Variants in IRAK1BP1 observed in about 807,000 individuals in gnomAD.
IRAK1BP1 encodes interleukin-1 receptor-associated kinase 1-binding protein 1.
In IRAK1BP1, 24 loss-of-function variants were observed where a neutral mutation model predicts 28.0. The ratio of observed to expected loss-of-function variants is 0.86; its 90% CI spans 0.62 to 1.20. IRAK1BP1 has a LOEUF of 1.20. Among genes scored for constraint, IRAK1BP1 ranks in the 50% most tolerant of loss-of-function variants. The probability of loss-of-function intolerance (pLI) is 0.00; values close to 1 mark genes in which losing one functional copy is unlikely to be tolerated. For synonymous variants in IRAK1BP1, 131 were observed against 116.3 expected (o/e 1.13, Z -0.81); for missense variants, 336 against 316.7 (o/e 1.06, Z -0.46).
At chr6:78,903,831 A>G (rs1332312090), downstream of IRAK1BP1, among the ~76,000 whole-genome samples, 2 of 152,082 alleles carry the variant, frequency 1.3e-5, no homozygotes, top group Non-Finnish European at 2.9e-5. Context: ...TCAAAGAACA[A>G]TTTTGGGCAA....
downstream of IRAK1BP1, among the ~76,000 whole-genome samples, chr6:78,907,119 C>G (rs1772281773): frequency 6.6e-6 from 1 of 152,164 alleles, no homozygotes; most frequent in African/African-American, 2.4e-5. Flanking sequence ...CATGATGCAT[C>G]TCTAAGCAGT....
chr6:78,910,223 C>T (rs1165403090), intron 4 of IRAK1BP1, among the ~76,000 whole-genome samples: 1 of 151,990 alleles, frequency 6.6e-6, no homozygotes, highest in Non-Finnish European at 1.5e-5. Flanking sequence ...ACGGAGGGCA[C>T]GGCAGGATGG....
chr6:78,979,154 G>A, the IRAK1BP1 span, among the ~76,000 whole-genome samples: 5 of 152,168 alleles, frequency 3.3e-5, no homozygotes, highest in South Asian at 4.1e-4. Flanking sequence ...CCAATCCTCC[G>A]TGTCTACTGA....
chr6:78,938,915 A>G (rs1001596973), intron 4 of IRAK1BP1: 5 of 151,802 alleles, frequency 3.3e-5, no homozygotes, highest in Non-Finnish European at 1.5e-5. Flanking sequence ...AGAAATAATT[A>G]TGTAATGTAT....
intron 2 of IRAK1BP1, among the ~76,000 whole-genome samples, chr6:78,885,901 G>A (rs1175448496): frequency 6.6e-6 from 1 of 152,056 alleles, no homozygotes; most frequent in Non-Finnish European, 1.5e-5. Context: ...ACTATTTTCA[G>A]TACACTCAGT....
chr6:78,953,881 C>T, the IRAK1BP1 span, among the ~76,000 whole-genome samples: 2 of 151,982 alleles, frequency 1.3e-5, no homozygotes, highest in African/African-American at 2.4e-5. Flanking sequence ...ACACCACGCC[C>T]GACCCCTGAA....
intron 1 of IRAK1BP1, among the ~76,000 whole-genome samples, chr6:78,870,974 G>A (rs1770774826): frequency 1.3e-5 from 2 of 152,072 alleles, no homozygotes; most frequent in Non-Finnish European, 2.9e-5. Flanking sequence ...AAAATGCTGG[G>A]ATTACAGGCG....
the IRAK1BP1 span, chr6:78,966,118 C>T: frequency 1.9e-6 from 2 of 1,032,184 alleles, no homozygotes; most frequent in Non-Finnish European, 3.1e-6. Context: ...ACTGCTTTTT[C>T]CTAACGTTAA....
intron 1 of IRAK1BP1, among the ~76,000 whole-genome samples, chr6:78,875,418 GA>G (rs1770961878): frequency 6.6e-6 from 1 of 152,026 alleles, no homozygotes; most frequent in South Asian, 2.1e-4. Context: ...CTACCAAAAA[GA>G]CACATTCACT....
At chr6:78,939,471 T>A (rs1328826705) in intron 4 of IRAK1BP1, 2 of 151,734 alleles carry the variant, frequency 1.3e-5, no homozygotes, top group East Asian at 3.8e-4. Flanking sequence ...ATAACCAATT[T>A]CCCCCTTAAA....
At chr6:78,877,559 G>T (rs534039409) in intron 1 of IRAK1BP1, among the ~76,000 whole-genome samples, 5 of 152,172 alleles carry the variant, frequency 3.3e-5, no homozygotes, top group Non-Finnish European at 7.3e-5. Context: ...AGCTCCCAGC[G>T]TGAGCGATGC....
At chr6:78,925,586 G>T (rs1230231365) in intron 4 of IRAK1BP1, among the ~76,000 whole-genome samples, 1 of 152,102 alleles carries the variant, frequency 6.6e-6, no homozygotes, top group Non-Finnish European at 1.5e-5. Context: ...CACTGCTGCT[G>T]GTAGGAATGT....
chr6:78,917,280 T>C (rs936099289), intron 4 of IRAK1BP1, among the ~76,000 whole-genome samples: 6 of 151,320 alleles, frequency 4.0e-5, no homozygotes, highest in African/African-American at 1.5e-4. Flanking sequence ...CAAAATACAA[T>C]GGAAAGCTTT....
chr6:78,922,333 G>C (rs1276228574), intron 4 of IRAK1BP1, among the ~76,000 whole-genome samples: 1 of 152,120 alleles, frequency 6.6e-6, no homozygotes, highest in Non-Finnish European at 1.5e-5. Context: ...AGTAATGGAA[G>C]ATCAAATGAA....
intron 2 of IRAK1BP1, among the ~76,000 whole-genome samples, chr6:78,889,435 T>C (rs968781118): frequency 1.3e-5 from 2 of 151,832 alleles, no homozygotes; most frequent in Non-Finnish European, 2.9e-5. Context: ...GGGATCTAAG[T>C]AAACTAAAGA....
the IRAK1BP1 span, among the ~76,000 whole-genome samples, chr6:78,959,525 A>G: frequency 6.6e-6 from 1 of 152,168 alleles, no homozygotes; most frequent in African/African-American, 2.4e-5. Flanking sequence ...AAGTTTCACG[A>G]AAGAAAAACA....
At chr6:78,972,850 G>A in the IRAK1BP1 span, among the ~76,000 whole-genome samples, 68,944 of 151,906 alleles carry the variant, frequency 0.45, 16,237 homozygotes, top group East Asian at 0.69. Flanking sequence ...AAAGAAATGA[G>A]CAAAGCCTCC....
chr6:78,945,259 A>G, intron 4 of IRAK1BP1: 1 of 1,358,590 alleles, frequency 7.4e-7, no homozygotes, highest in African/African-American at 1.4e-5. Context: ...TATTTATAAT[A>G]AGGATCTACT....
At chr6:78,920,121 G>A (rs1192271669) in intron 4 of IRAK1BP1, among the ~76,000 whole-genome samples, 1 of 152,144 alleles carries the variant, frequency 6.6e-6, no homozygotes, top group African/African-American at 2.4e-5. Context: ...GGGTGTGATT[G>A]TGCATGCCTG....
Sources: allele counts gnomAD v4.1 joint callset (sites outside exome capture counted in the v4.1 genomes callset), GRCh38; gene constraint gnomAD v4.1.1; transcripts MANE v1.5; gene names NCBI Gene and HGNC (gene_info 2026-07-23, HGNC 2026-07-21).